The following CEP85L variants were observed in gnomAD, a reference collection of about 807,000 sequenced individuals.
The protein encoded by CEP85L is centrosomal protein of 85 kDa-like.
In CEP85L, 60 loss-of-function variants were observed where a neutral mutation model predicts 100.3. That is an observed-to-expected ratio of 0.60 (90% confidence interval 0.49 to 0.74). The LOEUF is 0.74. Among genes scored for constraint, CEP85L ranks in the 30% least tolerant of loss-of-function variants. CEP85L has a pLI of 0.00. For synonymous variants in CEP85L, 319 were observed against 322.7 expected, an observed-to-expected ratio of 0.99 and a Z score of 0.12; for missense variants, 973 against 936.2, an observed-to-expected ratio of 1.04 and a Z score of -0.51.
intron 4 of CEP85L, among the ~76,000 whole-genome samples, chr6:118,515,285 T>C (rs1439841337): frequency 3.3e-5 from 5 of 152,182 alleles, no homozygotes; most frequent in African/African-American, 4.8e-5. Flanking sequence ...ACAATTGTAA[T>C]TGGATATTTT....
intron 2 of CEP85L, among the ~76,000 whole-genome samples, chr6:118,625,402 G>C (rs1773725148): frequency 6.6e-6 from 1 of 152,172 alleles, no homozygotes; most frequent in Non-Finnish European, 1.5e-5. Flanking sequence ...CCCTTTTATG[G>C]TAGGAGCCAG....
At chr6:118,511,189 T>A in intron 5 of CEP85L, 109 bp downstream of exon 5, 1 of 728,064 alleles carries the variant, frequency 1.4e-6, no homozygotes, top group Non-Finnish European at 2.3e-6. Context: ...ATATAAATCA[T>A]GTGAATACAT....
intron 3 of CEP85L, among the ~76,000 whole-genome samples, chr6:118,540,319 T>A (rs1777837274): frequency 6.6e-6 from 1 of 152,204 alleles, no homozygotes; most frequent in African/African-American, 2.4e-5. Flanking sequence ...CAATGTTTAT[T>A]AACTACTGAC....
chr6:118,652,827 A>G (rs1205781762), upstream of CEP85L: 1 of 1,052,692 alleles, frequency 9.5e-7, no homozygotes. Context: ...AAAAAGATAC[A>G]GAAACATGAA....
chr6:118,475,347 A>ATATCTTTTTTTTTTTTTT lies in CEP85L; in HGVS notation c.1914+4523_1914+4524insAAAAAAAAAAAAAAGATA, dbSNP rs1470175603. 6.3e-5 allele frequency among the ~76,000 whole-genome samples: 5 copies of ATATCTTTTTTTTTTTTTT among 79,038 alleles called. 2 individuals are homozygous for ATATCTTTTTTTTTTTTTT. Among genetic ancestry groups the ATATCTTTTTTTTTTTTTT allele is most frequent in the Non-Finnish European group, 5.5e-5 (2 of 36,210 alleles). The allele number at this position is 79,038 out of a possible 152,430, so 51.9% of individuals were successfully genotyped here. A position where few individuals can be genotyped will look rare whatever the true frequency, so the allele number is the denominator to read the frequency against. On this transcript the variant is annotated intron_variant, in intron 10 of 12. Coordinates refer to ENST00000368491, the MANE Select transcript of CEP85L (RefSeq NM_001042475.3). The stretch of plus-strand genomic sequence containing the variant: ...AAAAGGTGGGTGAATTGTAGGTGAC[A>ATATCTTTTTTTTTTTTTT]TTTTTTTTTTTTTTTTTTTTTTTTT...
intron 1 of CEP85L, among the ~76,000 whole-genome samples, chr6:118,688,953 G>A (rs1365907005): frequency 6.7e-6 from 1 of 150,320 alleles, no homozygotes; most frequent in African/African-American, 2.5e-5. Flanking sequence ...GCCAACATGG[G>A]AACCACCTTC....
chr6:118,678,180 T>C (rs1018400988), intron 1 of CEP85L, among the ~76,000 whole-genome samples: 1 of 152,214 alleles, frequency 6.6e-6, no homozygotes, highest in African/African-American at 2.4e-5. Flanking sequence ...AAAGGAGAAG[T>C]TGAGCTATGA....
intron 2 of CEP85L, among the ~76,000 whole-genome samples, chr6:118,581,893 G>A (rs1448821029): frequency 6.6e-6 from 1 of 152,088 alleles, no homozygotes; most frequent in Non-Finnish European, 1.5e-5. Flanking sequence ...CCGCTGCGGG[G>A]AGCCTTGATT....
intron 3 of CEP85L, among the ~76,000 whole-genome samples, chr6:118,536,651 A>C (rs1777611227): frequency 6.6e-6 from 1 of 152,164 alleles, no homozygotes; most frequent in Non-Finnish European, 1.5e-5. Flanking sequence ...ACTTTGGTGC[A>C]ACTCCACATC....
chr6:118,709,523 A>G (rs573019853), intron 1 of CEP85L, among the ~76,000 whole-genome samples: 2 of 16,238 alleles, frequency 1.2e-4, no homozygotes, highest in Non-Finnish European at 3.6e-4. Flanking sequence ...AACCAGTAAC[A>G]ACAATTGGCG....
chr6:118,689,274 A>C (rs558975347), intron 1 of CEP85L, among the ~76,000 whole-genome samples: 1 of 152,202 alleles, frequency 6.6e-6, no homozygotes, highest in Non-Finnish European at 1.5e-5. Context: ...TTCAAGTTAA[A>C]TTCTGAGTTC....
chr6:118,565,284 T>C (rs968247675), intron 3 of CEP85L: 4 of 505,472 alleles, frequency 7.9e-6, no homozygotes, highest in Non-Finnish European at 1.4e-5. Flanking sequence ...TTTATGCCCA[T>C]TTAACAAATG....
At chr6:118,695,920 C>T (rs1777193900) in intron 1 of CEP85L, among the ~76,000 whole-genome samples, 1 of 152,076 alleles carries the variant, frequency 6.6e-6, no homozygotes, top group South Asian at 2.1e-4. Context: ...GATATGATCC[C>T]CCTTTGTAAG....
chr6:118,554,335 T>TG (rs1355845376), intron 3 of CEP85L, among the ~76,000 whole-genome samples: 3 of 152,098 alleles, frequency 2.0e-5, no homozygotes, highest in Non-Finnish European at 4.4e-5. Flanking sequence ...AAAAATGAGA[T>TG]GGGGTCTCAT....
At chr6:118,706,988 T>G (rs1241536078) in intron 1 of CEP85L, among the ~76,000 whole-genome samples, 1 of 152,174 alleles carries the variant, frequency 6.6e-6, no homozygotes, top group East Asian at 1.9e-4. Flanking sequence ...TCAGTTCCCT[T>G]GCCCCTCATT....
chr6:118,536,900 A>AT (rs951026479), intron 3 of CEP85L, among the ~76,000 whole-genome samples: 15 of 152,128 alleles, frequency 9.9e-5, no homozygotes, highest in African/African-American at 3.4e-4. Flanking sequence ...TTAGTAACAC[A>AT]TTTTTTCCCA....
At chr6:118,701,010 G>A (rs1051364203) in intron 1 of CEP85L, among the ~76,000 whole-genome samples, 1 of 152,170 alleles carries the variant, frequency 6.6e-6, no homozygotes, top group Non-Finnish European at 1.5e-5. Context: ...GTGGCCACCA[G>A]AGCATAACGC....
chr6:118,651,535 T>C lies in CEP85L; in HGVS notation c.-266A>G. 1.6e-6 allele frequency: 2 copies of C among 1,254,924 alleles called. No homozygotes were observed. Among genetic ancestry groups the C allele is most frequent in the East Asian group, 3.4e-5 (1 of 29,404 alleles). 77.7% of individuals were successfully genotyped at this position (1,254,924 alleles called of 1,614,324 possible). On this transcript the variant is annotated 5_prime_UTR_variant, in exon 1 of 13. Transcript: ENST00000368491. The stretch of plus-strand genomic sequence containing the variant: ...CGACTCGGCGGTGACGGCTGCTAGA[T>C]CCCCGGCTGAGCCCAGGCTCAAAGG...
At chr6:118,682,771 G>GCACACACACACACA (rs201043236) in intron 1 of CEP85L, among the ~76,000 whole-genome samples, 1 of 138,174 alleles carries the variant, frequency 7.2e-6, no homozygotes, top group African/African-American at 2.6e-5. Context: ...GCCTGAGCAT[G>GCACACACACACACA]CACACACACA....
Sources: gnomAD v4.1 joint callset for allele counts (sites outside exome capture counted in the v4.1 genomes callset) on GRCh38, gnomAD v4.1.1 for gene constraint, MANE v1.5 for transcripts, NCBI Gene and HGNC (gene_info 2026-07-23, HGNC 2026-07-21) for gene names.